SGCZ: variants seen among roughly 807,000 people sequenced by gnomAD.
The protein encoded by SGCZ is zeta-sarcoglycan.
Under a neutral mutation model 41.3 loss-of-function variants are expected in SGCZ, and 40 were observed. The observed-to-expected ratio is 0.97, with a 90% CI of 0.75 to 1.26. The LOEUF is 1.26. SGCZ is among the 50% of genes most tolerant of loss of function. The probability of loss-of-function intolerance (pLI) is 0.00; values close to 1 mark genes in which losing one functional copy is unlikely to be tolerated. For missense variants in SGCZ, 552 were observed against 369.8 expected (o/e 1.49, Z -4.04); for synonymous variants, 206 against 137.5 (o/e 1.50, Z -3.49).
intron 2 of SGCZ, among the ~76,000 whole-genome samples, chr8:14,333,797 T>G (rs1802416736): frequency 6.6e-6 from 1 of 152,124 alleles, no homozygotes; most frequent in Admixed American, 6.5e-5. Flanking sequence ...TATTCATATT[T>G]TACCAACTCT....
chr8:15,097,751 C>T (rs530196746), intron 1 of SGCZ, among the ~76,000 whole-genome samples: 14 of 68,632 alleles, frequency 2.0e-4, no homozygotes, highest in Admixed American at 7.4e-4. Flanking sequence ...TATATATATA[C>T]ACGTATATAT....
At chr8:14,499,122 T>C (rs1392036836) in intron 2 of SGCZ, among the ~76,000 whole-genome samples, 4 of 152,174 alleles carry the variant, frequency 2.6e-5, no homozygotes, top group East Asian at 1.9e-4. Context: ...TATTTGCTTA[T>C]ATTGCTTGAT....
At chr8:14,367,275 A>G (rs1803744283) in intron 2 of SGCZ, among the ~76,000 whole-genome samples, 1 of 152,062 alleles carries the variant, frequency 6.6e-6, no homozygotes, top group South Asian at 2.1e-4. Flanking sequence ...CATTATCCAT[A>G]TCACTATTAG....
At chr8:14,557,082 T>A (rs1009397973) in intron 1 of SGCZ, among the ~76,000 whole-genome samples, 4 of 152,000 alleles carry the variant, frequency 2.6e-5, no homozygotes, top group African/African-American at 9.7e-5. Context: ...TCACTGCATC[T>A]ACACCAATGC....
intron 1 of SGCZ, among the ~76,000 whole-genome samples, chr8:15,182,535 T>C (rs922351177): frequency 1.3e-5 from 2 of 152,190 alleles, no homozygotes; most frequent in African/African-American, 4.8e-5. Context: ...TTTGTGTATC[T>C]AAACATAAAA....
chr8:14,832,236 T>A (rs528260510), intron 1 of SGCZ, among the ~76,000 whole-genome samples: 1 of 152,332 alleles, frequency 6.6e-6, no homozygotes, highest in Admixed American at 6.5e-5. Context: ...TTGTGTTATT[T>A]GATATGATAT....
intron 1 of SGCZ, among the ~76,000 whole-genome samples, chr8:14,608,204 A>C (rs1374277444): frequency 2.0e-5 from 3 of 152,042 alleles, no homozygotes; most frequent in Non-Finnish European, 1.5e-5. Context: ...GAATGAAAAT[A>C]ACATGTGAAT....
intron 2 of SGCZ, among the ~76,000 whole-genome samples, chr8:14,364,470 G>C (rs1047613922): frequency 6.6e-6 from 1 of 152,054 alleles, no homozygotes; most frequent in Non-Finnish European, 1.5e-5. Flanking sequence ...TTGATTCTTA[G>C]CAGCAATGCA....
intron 4 of SGCZ, among the ~76,000 whole-genome samples, chr8:14,198,637 C>G (rs1805355418): frequency 6.6e-6 from 1 of 151,960 alleles, no homozygotes; most frequent in Non-Finnish European, 1.5e-5. Flanking sequence ...CTTTTTAAAT[C>G]TTAGTGAACC....
At chr8:14,514,824 C>T (rs1377837720) in intron 2 of SGCZ, among the ~76,000 whole-genome samples, 1 of 136,898 alleles carries the variant, frequency 7.3e-6, no homozygotes. Flanking sequence ...TATATATACA[C>T]GCACACACAC....
rs78807880 is a variant in SGCZ at position 15,081,289 on chromosome 8, A to T, written c.39+156296T>A. ...TACAGTGTGATTTTCAAATGACAAA[A>T]GGAGTAATGTCATTTATTTGCATTT... On this transcript the variant is annotated intron_variant, in intron 1 of 7. Transcript: ENST00000382080. Among the ~76,000 whole-genome samples the T allele has an allele frequency of 2.7e-3, 414 of 152,318 alleles. 5 individuals carry two copies. Among genetic ancestry groups the T allele is most frequent in the East Asian group, 0.025 (128 of 5,178 alleles).
At chr8:14,248,136 G>A (rs1166705690) in intron 3 of SGCZ, among the ~76,000 whole-genome samples, 1 of 152,138 alleles carries the variant, frequency 6.6e-6, no homozygotes, top group Admixed American at 6.6e-5. Context: ...ATTCTAGAAT[G>A]GAACTCCCCA....
At chr8:14,249,869 G>A (rs981005927) in intron 3 of SGCZ, among the ~76,000 whole-genome samples, 4 of 152,132 alleles carry the variant, frequency 2.6e-5, no homozygotes, top group African/African-American at 9.7e-5. Context: ...AAGATTTTGA[G>A]CCAGAAGCAA....
intron 1 of SGCZ, among the ~76,000 whole-genome samples, chr8:14,719,557 G>C (rs1195975759): frequency 6.6e-6 from 1 of 152,012 alleles, no homozygotes; most frequent in East Asian, 1.9e-4. Context: ...TAACTGGTGT[G>C]AGATGGTATC....
intron 1 of SGCZ, among the ~76,000 whole-genome samples, chr8:15,087,224 T>C (rs1328777232): frequency 1.3e-5 from 2 of 152,088 alleles, no homozygotes; most frequent in African/African-American, 2.4e-5. Flanking sequence ...GTCACTCTGC[T>C]GGATATAGTA....
intron 1 of SGCZ, among the ~76,000 whole-genome samples, chr8:15,091,455 C>A (rs1203763644): frequency 6.6e-6 from 1 of 152,206 alleles, no homozygotes; most frequent in Non-Finnish European, 1.5e-5. Context: ...AAGACTTAAT[C>A]ATTCAATGCC....
rs573491235 is a variant in SGCZ at position 14,846,169 on chromosome 8, C to G, written c.40-291243G>C. On this transcript the variant is annotated intron_variant, in intron 1 of 7. Transcript: ENST00000382080. Reference sequence around the variant, plus strand: ...GTACATAACAGACCAGAAAAAAATACTATCAACCAACTTGCCTAATTTATG... The same window carrying G: ...GTACATAACAGACCAGAAAAAAATAGTATCAACCAACTTGCCTAATTTATG... Among the ~76,000 whole-genome samples, 6 of 152,010 alleles carry G rather than the reference C, an allele frequency of 3.9e-5. No homozygotes were observed. In the East Asian group the frequency reaches 1.2e-3, roughly 29 times the overall value.
Position 14,605,753 on chromosome 8 carries a change from T to C in SGCZ, c.40-50827A>G, listed in dbSNP as rs576627040. On this transcript the variant is annotated intron_variant, in intron 1 of 7. Transcript: ENST00000382080. ...ATAGTTACTGTTTCATTAGAAACTG[T>C]GTAATGTGATCATTTTGAGAAAAAA... 2.6e-5 allele frequency among the ~76,000 whole-genome samples: 4 copies of C among 152,300 alleles called. No individual in the cohort carries two copies. The East Asian group carries it at 7.7e-4, about 29-fold the overall frequency.
chr8:14,278,814 T>C lies in SGCZ; in HGVS notation c.337-41135A>G, dbSNP rs914927075. 3.3e-5 allele frequency among the ~76,000 whole-genome samples: 5 copies of C among 152,254 alleles called. No homozygotes were observed. The East Asian group carries it at 7.7e-4, about 23-fold the overall frequency. ...TATTCTTCTATGATCTACCTCTATA[T>C]TGGACTTTGTGTTTGTGATATACTC... On this transcript the variant is annotated intron_variant, in intron 3 of 7. Coordinates refer to ENST00000382080, the MANE Select transcript of SGCZ (RefSeq NM_139167.4).
Sources: gnomAD v4.1 joint callset for allele counts (sites outside exome capture counted in the v4.1 genomes callset) on GRCh38, gnomAD v4.1.1 for gene constraint, MANE v1.5 for transcripts, NCBI Gene and HGNC (gene_info 2026-07-23, HGNC 2026-07-21) for gene names.